Variants in CNTN5 observed in about 807,000 individuals in gnomAD.
CNTN5 encodes contactin 5, also known as contactin-5.
CNTN5 carries 77 observed loss-of-function variants against 129.1 expected under a neutral mutation model. The observed-to-expected ratio is 0.60, with a 90% CI of 0.50 to 0.72. The LOEUF is 0.72. Among genes scored for constraint, CNTN5 ranks in the 30% least tolerant of loss-of-function variants. CNTN5 has a pLI of 0.00. For synonymous variants in CNTN5, 509 were observed against 465.6 expected (o/e 1.09, Z -1.20); for missense variants, 1,478 against 1,328.8 (o/e 1.11, Z -1.75).
chr11:99,979,024 T>C (rs1050916177), intron 8 of CNTN5, among the ~76,000 whole-genome samples: 2 of 152,226 alleles, frequency 1.3e-5, no homozygotes, highest in Admixed American at 1.3e-4. Flanking sequence ...AACTTTAGAT[T>C]CTTGATTCAC....
At chr11:99,305,358 C>G (rs1864826824) in intron 1 of CNTN5, among the ~76,000 whole-genome samples, 1 of 152,090 alleles carries the variant, frequency 6.6e-6, no homozygotes, top group South Asian at 2.1e-4. Context: ...GTTTCACAAA[C>G]AGCAAAAGCT....
chr11:100,104,916 G>C (rs1163089433), intron 13 of CNTN5, among the ~76,000 whole-genome samples: 3 of 152,024 alleles, frequency 2.0e-5, no homozygotes, highest in African/African-American at 2.4e-5. Flanking sequence ...TTTGCACCTA[G>C]AATCTTCATG....
intron 3 of CNTN5, among the ~76,000 whole-genome samples, chr11:99,730,300 GAAGCATCT>G (rs1319713612): frequency 6.6e-6 from 1 of 152,152 alleles, no homozygotes; most frequent in Non-Finnish European, 1.5e-5. Flanking sequence ...TGATAATGCA[GAAGCATCT>G]AAGTAGTAAC....
At chr11:100,161,846 C>T (rs1332670139) in intron 13 of CNTN5, among the ~76,000 whole-genome samples, 9 of 148,584 alleles carry the variant, frequency 6.1e-5, no homozygotes, top group African/African-American at 1.8e-4. Flanking sequence ...CACACACACA[C>T]ACACACACAC....
At chr11:99,830,541 C>T (rs183085566) in intron 4 of CNTN5, among the ~76,000 whole-genome samples, 2 of 152,192 alleles carry the variant, frequency 1.3e-5, no homozygotes, top group East Asian at 3.9e-4. Flanking sequence ...GTTTGAGAGA[C>T]ACAAGCACAA....
Position 99,759,966 on chromosome 11 carries a change from A to C in CNTN5, c.56-59578A>C, listed in dbSNP as rs1044944738. Among the ~76,000 whole-genome samples the C allele has an allele frequency of 2.6e-5, 4 of 152,128 alleles. No individual in the cohort carries two copies. The East Asian group carries it at 7.8e-4, about 30-fold the overall frequency. On this transcript the variant is annotated intron_variant, in intron 3 of 24. Transcript: ENST00000524871. ...AGTGAGGCCTATGGGGGTGGAGTGA[A>C]ATGATACTTCAGTTTCAGACACACA...
At position 99,125,344 on chromosome 11, in the gene CNTN5, T is replaced by TAAAA. The variant is rs34985933; in HGVS notation, c.-210+104081_-210+104084dup. On this transcript the variant is annotated intron_variant, in intron 1 of 24. Coordinates refer to ENST00000524871, the MANE Select transcript of CNTN5 (RefSeq NM_014361.4). ...ATGTCATTCATCACATCAACAGAACTAAAAAAAAAACCAGATTATTTCAGT... is the reference window on the plus strand; with the variant it reads ...ATGTCATTCATCACATCAACAGAACTAAAAAAAAAAAAAACCAGATTATTTCAGT... Among the ~76,000 whole-genome samples, 556 of 149,442 alleles carry TAAAA rather than the reference T, an allele frequency of 3.7e-3. 4 individuals carry two copies. The highest frequency in any genetic ancestry group is 0.011 in the African/African-American group (454 of 40,778).
At chr11:99,641,372 A>T (rs898755426) in intron 3 of CNTN5, among the ~76,000 whole-genome samples, 22 of 151,454 alleles carry the variant, frequency 1.5e-4, no homozygotes, top group African/African-American at 5.1e-4. Context: ...AGTTTATAAT[A>T]CCTCAATTCT....
chr11:99,780,335 ACAAGATTATTACTACTTAATT>A (rs1177148839), intron 3 of CNTN5, among the ~76,000 whole-genome samples: 2 of 152,148 alleles, frequency 1.3e-5, no homozygotes, highest in African/African-American at 2.4e-5. Flanking sequence ...TATGGCTAAT[ACAAGATTATTACTACTTAATT>A]ATCAGTATAG....
chr11:100,157,319 A>G (rs1259604273), intron 13 of CNTN5, among the ~76,000 whole-genome samples: 1 of 151,938 alleles, frequency 6.6e-6, no homozygotes, highest in Non-Finnish European at 1.5e-5. Flanking sequence ...TTATATCATG[A>G]TAAGAGCAAA....
At chr11:99,369,774 A>G (rs1459323488) in intron 2 of CNTN5, among the ~76,000 whole-genome samples, 1 of 152,164 alleles carries the variant, frequency 6.6e-6, no homozygotes, top group Non-Finnish European at 1.5e-5. Flanking sequence ...TTGAATACTT[A>G]TATCTGCCAG....
intron 2 of CNTN5, among the ~76,000 whole-genome samples, chr11:99,359,398 T>G (rs544483221): frequency 6.6e-6 from 1 of 151,946 alleles, no homozygotes; most frequent in Non-Finnish European, 1.5e-5. Flanking sequence ...CACCTCCTAA[T>G]ACTATCACCT....
chr11:99,321,229 T>C (rs780004833), intron 1 of CNTN5, among the ~76,000 whole-genome samples: 7 of 151,060 alleles, frequency 4.6e-5, no homozygotes, highest in Non-Finnish European at 8.8e-5. Context: ...CACACACGTG[T>C]GCACATACAA....
intron 13 of CNTN5, among the ~76,000 whole-genome samples, chr11:100,120,718 T>C (rs1192732958): frequency 2.6e-5 from 4 of 151,920 alleles, no homozygotes; most frequent in Non-Finnish European, 5.9e-5. Context: ...GACAAGCTTA[T>C]TTTTACACCA....
intron 3 of CNTN5, among the ~76,000 whole-genome samples, chr11:99,724,001 A>G (rs1943256836): frequency 6.6e-6 from 1 of 152,108 alleles, no homozygotes; most frequent in Non-Finnish European, 1.5e-5. Flanking sequence ...TACTAGTCTG[A>G]ATTCTTGGGT....
At chr11:100,291,628 C>T (rs1013630695) in intron 18 of CNTN5, among the ~76,000 whole-genome samples, 23 of 151,706 alleles carry the variant, frequency 1.5e-4, no homozygotes, top group Non-Finnish European at 3.4e-4. Flanking sequence ...GGAGGGATAG[C>T]ATTGGGAGAT....
At chr11:100,106,109 G>C (rs964723668) in intron 13 of CNTN5, among the ~76,000 whole-genome samples, 2 of 152,130 alleles carry the variant, frequency 1.3e-5, no homozygotes. Context: ...TTCCCACAAA[G>C]GGCGATTCAG....
intron 3 of CNTN5, among the ~76,000 whole-genome samples, chr11:99,668,442 C>T (rs1952890753): frequency 1.3e-5 from 2 of 152,042 alleles, no homozygotes; most frequent in South Asian, 4.1e-4. Context: ...GACCAGCGCC[C>T]ATGGGAACGG....
At chr11:99,102,857 C>T (rs1866805182) in intron 1 of CNTN5, among the ~76,000 whole-genome samples, 1 of 152,134 alleles carries the variant, frequency 6.6e-6, no homozygotes, top group African/African-American at 2.4e-5. Flanking sequence ...CAGCACCCCA[C>T]TCTACTGGTA....
Sources: gnomAD v4.1 joint callset for allele counts (sites outside exome capture counted in the v4.1 genomes callset) on GRCh38, gnomAD v4.1.1 for gene constraint, MANE v1.5 for transcripts, NCBI Gene and HGNC (gene_info 2026-07-23, HGNC 2026-07-21) for gene names.